The following DOCK1 variants were observed in gnomAD, a reference collection of about 807,000 sequenced individuals.
DOCK1 encodes dedicator of cytokinesis 1.
A neutral mutation model predicts 262.7 loss-of-function variants in DOCK1; 138 were observed. The ratio of observed to expected loss-of-function variants is 0.53; its 90% confidence interval spans 0.46 to 0.61. DOCK1 has a LOEUF of 0.61. Ranked by LOEUF, DOCK1 falls within the 20% of genes least tolerant of loss-of-function variation. DOCK1 has a pLI of 0.00. For synonymous variants in DOCK1, 866 were observed against 867.4 expected (o/e 1.00, Z 0.03); for missense variants, 1,908 against 2,370.7 (o/e 0.80, Z 4.05).
At chr10:127,025,377 A>T (rs1313405888) in intron 15 of DOCK1, 1 of 152,168 alleles carries the variant, frequency 6.6e-6, no homozygotes, top group East Asian at 1.9e-4. Flanking sequence ...TTTTTGGCGC[A>T]GCTGTGGGCA....
At chr10:127,207,706 G>A (rs143906239) in intron 27 of DOCK1, among the ~76,000 whole-genome samples, 6 of 152,272 alleles carry the variant, frequency 3.9e-5, no homozygotes, top group South Asian at 2.1e-4. Flanking sequence ...CCATAACATC[G>A]TAACATTTCA....
chr10:126,927,569 T>C (rs931279971), intron 1 of DOCK1, among the ~76,000 whole-genome samples: 21 of 152,168 alleles, frequency 1.4e-4, no homozygotes, highest in Non-Finnish European at 2.8e-4. Context: ...CCCGAGTAGC[T>C]AGAATAACAG....
intron 28 of DOCK1, among the ~76,000 whole-genome samples, chr10:127,256,897 G>A (rs1010921724): frequency 5.3e-5 from 8 of 152,184 alleles, no homozygotes; most frequent in African/African-American, 1.2e-4. Context: ...TTGAAATTCC[G>A]TAAGAGAAAG....
chr10:127,418,451 T>C lies in DOCK1; in HGVS notation c.4602T>C (p.Asp1534=). 6.2e-7 allele frequency: 1 copy of C among 1,613,982 alleles called. No individual in the cohort carries two copies. ...ACAGCATGGTGCAGCAGCACCTGGA[T>C]GACCCCAGCCTGCCCATCAACCCGC... ...KINSMVQQHL[D]DPSLPINPLS... Residue 1534 remains aspartate, a synonymous_variant, in exon 45 of 52, where the codon GAT becomes GAC. Transcript: ENST00000623213.
At chr10:127,336,963 TATA>T (rs2063230153) in intron 29 of DOCK1, among the ~76,000 whole-genome samples, 1 of 152,206 alleles carries the variant, frequency 6.6e-6, no homozygotes, top group African/African-American at 2.4e-5. Context: ...ATAATTACCC[TATA>T]ATAATAATGT....
At chr10:127,388,057 C>T (rs2066239664) in intron 38 of DOCK1, among the ~76,000 whole-genome samples, 1 of 152,088 alleles carries the variant, frequency 6.6e-6, no homozygotes, top group African/African-American at 2.4e-5. Flanking sequence ...GCACACATGG[C>T]CCCCACACCA....
At chr10:127,224,238 T>C (rs573058143) in intron 27 of DOCK1, among the ~76,000 whole-genome samples, 1 of 152,300 alleles carries the variant, frequency 6.6e-6, no homozygotes, top group South Asian at 2.1e-4. Flanking sequence ...TGGATCATGT[T>C]ATTTAAGATG....
chr10:127,192,662 T>C (rs1479330411), intron 27 of DOCK1: 3 of 152,220 alleles, frequency 2.0e-5, no homozygotes, highest in South Asian at 2.1e-4. Context: ...TCTGAAGTTA[T>C]GGTTTTTCTC....
chr10:127,249,390 TAC>T (rs377178709), intron 28 of DOCK1, among the ~76,000 whole-genome samples: 41 of 48,864 alleles, frequency 8.4e-4, no homozygotes, highest in Non-Finnish European at 1.4e-3. Context: ...TGTACATATA[TAC>T]ACACATATAT....
chr10:127,169,704 C>A (rs1589748417), intron 27 of DOCK1, among the ~76,000 whole-genome samples: 1 of 152,146 alleles, frequency 6.6e-6, no homozygotes, highest in Admixed American at 6.5e-5. Flanking sequence ...TGGCCCTTTG[C>A]AGAAAAGTTT....
At chr10:126,992,760 A>ACACG (rs1565039730) in intron 6 of DOCK1, among the ~76,000 whole-genome samples, 2,399 of 146,122 alleles carry the variant, frequency 0.016, 64 homozygotes, top group African/African-American at 0.055. Flanking sequence ...ACACACACAC[A>ACACG]CACAGACAGA....
intron 27 of DOCK1, among the ~76,000 whole-genome samples, chr10:127,145,646 G>A (rs970533323): frequency 6.6e-6 from 1 of 152,134 alleles, no homozygotes; most frequent in Non-Finnish European, 1.5e-5. Context: ...TTGAAGATGG[G>A]AGTGCGTCTG....
chr10:127,163,478 A>C (rs1036908300), intron 27 of DOCK1, among the ~76,000 whole-genome samples: 1 of 152,162 alleles, frequency 6.6e-6, no homozygotes, highest in African/African-American at 2.4e-5. Flanking sequence ...CCTCAGGGCC[A>C]GAAGTAGAGT....
At chr10:127,097,329 A>G (rs1183358457) in intron 23 of DOCK1, among the ~76,000 whole-genome samples, 1 of 152,136 alleles carries the variant, frequency 6.6e-6, no homozygotes, top group East Asian at 1.9e-4. Context: ...TAAGAGGTGA[A>G]CCAAATCTTA....
At chr10:127,338,904 C>T in intron 29 of DOCK1, 102 bp from the exon 30 acceptor site, 1 of 1,012,926 alleles carries the variant, frequency 9.9e-7, no homozygotes, top group Non-Finnish European at 1.5e-6. Context: ...TTGGAGAGTT[C>T]ACATTCCAGA....
chr10:127,374,295 A>G (rs914569768), intron 35 of DOCK1, 81 bp downstream of exon 35: 6 of 1,467,600 alleles, frequency 4.1e-6, no homozygotes, highest in East Asian at 4.9e-5. Context: ...GCCCTTATCT[A>G]TGACAGTCAG....
At chr10:127,314,293 T>C (rs2062179353) in intron 29 of DOCK1, among the ~76,000 whole-genome samples, 1 of 152,208 alleles carries the variant, frequency 6.6e-6, no homozygotes, top group South Asian at 2.1e-4. Flanking sequence ...TATGATTTGA[T>C]AGATCATTTT....
At chr10:127,200,280 A>ATGT (rs2057393298) in intron 27 of DOCK1, among the ~76,000 whole-genome samples, 1 of 152,196 alleles carries the variant, frequency 6.6e-6, no homozygotes, top group South Asian at 2.1e-4. Flanking sequence ...GACATTCCCA[A>ATGT]AAGTAAGAGG....
chr10:127,288,301 A>C (rs2061230651), intron 29 of DOCK1, among the ~76,000 whole-genome samples: 1 of 152,150 alleles, frequency 6.6e-6, no homozygotes, highest in Non-Finnish European at 1.5e-5. Context: ...AAAATATCTC[A>C]GGTTGATCTT....
Sources: allele counts gnomAD v4.1 joint callset (sites outside exome capture counted in the v4.1 genomes callset), GRCh38; gene constraint gnomAD v4.1.1; transcripts MANE v1.5; gene names NCBI Gene and HGNC (gene_info 2026-07-23, HGNC 2026-07-21).